The following POLI variants were observed in gnomAD, a reference collection of about 807,000 sequenced individuals.
The protein encoded by POLI is DNA polymerase iota, also known as RAD30 homolog B.
Under a neutral mutation model 51.6 loss-of-function variants are expected in POLI, and 58 were observed. That is an observed-to-expected ratio of 1.12 (90% CI 0.91 to 1.40). The LOEUF is 1.40. Among genes scored for constraint, POLI ranks in the 40% most tolerant of loss-of-function variants. The pLI is 0.00. For synonymous variants in POLI, 322 were observed against 299.7 expected, an observed-to-expected ratio of 1.07 and a Z score of -0.77; for missense variants, 921 against 871.3, an observed-to-expected ratio of 1.06 and a Z score of -0.72.
intron 3 of POLI, among the ~76,000 whole-genome samples, chr18:54,318,005 A>T (rs570426534): frequency 6.6e-6 from 1 of 152,322 alleles, no homozygotes; most frequent in African/African-American, 2.4e-5. Context: ...GTCCAAAAAA[A>T]TTAGTAATAT....
chr18:54,301,108 T>C (rs1207834850), downstream of POLI, among the ~76,000 whole-genome samples: 3 of 151,954 alleles, frequency 2.0e-5, no homozygotes, highest in African/African-American at 7.3e-5. Flanking sequence ...TGAAACCCCG[T>C]CTCTACTAAA....
rs2086911188 is a variant in POLI at position 54,269,645 on chromosome 18, GGCAGCCAGCTCGCAGGGTGCGCC to G, written c.108_115+15del. On this transcript the variant is annotated splice_donor_variant and splice_donor_5th_base_variant and coding_sequence_variant and intron_variant, in exon 1 of 10. Coordinates refer to ENST00000579534, the MANE Select transcript of POLI (RefSeq NM_007195.3). LOFTEE classifies it high-confidence loss of function. ...CCATGGAACTGGCGGACGTGGGGGC[GGCAGCCAGCTCGCAGGGTGCGCC>G]GCAGCCAGAGGAGCCAGCGGCCTCC... 6.6e-6 allele frequency: 10 copies of G among 1,508,390 alleles called. No homozygotes were observed. In the South Asian group the frequency reaches 8.6e-5, roughly 13 times the overall value. The allele number at this position is 1,508,390 out of a possible 1,614,324, so 93.4% of individuals were successfully genotyped here.
At chr18:54,273,280 A>G (rs1038627079) in intron 2 of POLI, among the ~76,000 whole-genome samples, 3 of 151,656 alleles carry the variant, frequency 2.0e-5, no homozygotes, top group African/African-American at 7.3e-5. Context: ...TATATTTTAT[A>G]TACATATTAT....
Position 54,276,414 on chromosome 18 carries a change from C to T in POLI, c.407-1289C>T, listed in dbSNP as rs2087243265. 1.3e-5 allele frequency among the ~76,000 whole-genome samples: 2 copies of T among 152,088 alleles called. 1 individual carries two copies. Among genetic ancestry groups the T allele is most frequent in the Non-Finnish European group, 2.9e-5 (2 of 68,016 alleles). ...GGGACGGGATAATTAGGGATTTGTC[C>T]TGTGACCTAAAATCAGTCAATATTT... On this transcript the variant is annotated intron_variant, in intron 3 of 9. Coordinates refer to ENST00000579534, the MANE Select transcript of POLI (RefSeq NM_007195.3).
chr18:54,280,898 T>C lies in POLI; in HGVS notation c.791T>C (p.Ile264Thr). Residue 264 changes from isoleucine (I) to threonine (T), a missense_variant, in exon 5 of 10, where the codon ATA becomes ACA. By Grantham distance (89) the Ile-to-Thr change is moderately conservative. Coordinates refer to ENST00000579534, the MANE Select transcript of POLI (RefSeq NM_007195.3). ...LIHSLNHIKEIPGIGYKTAKC... is the reference protein window; with the variant it reads ...LIHSLNHIKETPGIGYKTAKC... ...CATAGTTTGAATCACATAAAGGAAA[T>C]ACCTGGTAAGACAAATATATTTGAA... The C allele has an allele frequency of 1.3e-6, 2 of 1,517,710 alleles. No homozygotes were observed. Among genetic ancestry groups the C allele is most frequent in the Non-Finnish European group, 1.8e-6 (2 of 1,092,490 alleles). 94.0% of individuals were successfully genotyped at this position (1,517,710 alleles called of 1,614,324 possible).
chr18:54,269,793 G>A (rs2086918750), intron 1 of POLI, 132 bp downstream of exon 1: 2 of 1,375,630 alleles, frequency 1.5e-6, no homozygotes, highest in African/African-American at 1.5e-5. Flanking sequence ...AGAGAGGGCT[G>A]CCTCCCTCTG....
chr18:54,293,932 A>G lies in POLI; in HGVS notation c.1688A>G (p.His563Arg), dbSNP rs780473580. Residue 563 changes from histidine to arginine, a missense_variant, in exon 10 of 10, where the codon CAT becomes CGT. Transcript: ENST00000579534. Reference sequence around the variant, plus strand: ...AAAGGAAGTGTGAGTTGTCCATTACATGCCTCTAGAGGAGTATTATCTTTC... The same window carrying G: ...AAAGGAAGTGTGAGTTGTCCATTACGTGCCTCTAGAGGAGTATTATCTTTC... Reference protein sequence around the residue: ...QGKGSVSCPLHASRGVLSFFS... With the variant: ...QGKGSVSCPLRASRGVLSFFS... 3 of 1,612,830 alleles carry G rather than the reference A, an allele frequency of 1.9e-6. No homozygotes were observed. The South Asian group carries it at 3.3e-5, about 18-fold the overall frequency.
In POLI at chr18:54,297,568, A is replaced by G. The variant is rs1196240108; in HGVS notation, c.*3101A>G. The stretch of plus-strand genomic sequence containing the variant: ...ATTTTTTGCCATCTTATTTTTTAAT[A>G]TATTTCTTTTTCTATGTTGTGCTTC... On this transcript the variant is annotated 3_prime_UTR_variant, in exon 10 of 10. Coordinates refer to ENST00000579534, the MANE Select transcript of POLI (RefSeq NM_007195.3). The G allele has an allele frequency of 3.2e-5, 31 of 975,252 alleles. No individual in the cohort carries two copies. Among genetic ancestry groups the G allele is most frequent in the Non-Finnish European group, 3.8e-5 (31 of 821,034 alleles). The allele number at this position is 975,252 out of a possible 1,614,324, so 60.4% of individuals were successfully genotyped here. A position where few individuals can be genotyped will look rare whatever the true frequency, so the allele number is the denominator to read the frequency against.
In POLI at chr18:54,282,958, C is replaced by A. The variant is rs548004543; in HGVS notation, c.918C>A (p.Ile306=). ...TAGGAATTTCAGTTGCTCAGCGTATCCAAAAGCTCAGTTTTGGAGAGGATA... is the reference window on the plus strand; with the variant it reads ...TAGGAATTTCAGTTGCTCAGCGTATACAAAAGCTCAGTTTTGGAGAGGATA... ...KELGISVAQR[I]QKLSFGEDNS... The change falls in exon 6 of 10, where the codon ATC becomes ATA. Residue 306 remains isoleucine (I), a synonymous_variant. Coordinates refer to ENST00000579534, the MANE Select transcript of POLI (RefSeq NM_007195.3). 3.7e-6 allele frequency: 6 copies of A among 1,610,886 alleles called. No homozygotes were observed.
In POLI at chr18:54,294,435, G is replaced by A. The variant is rs8305; in HGVS notation, c.2191G>A (p.Ala731Thr). Residue 731 changes from alanine (A) to threonine (T), a missense_variant, in exon 10 of 10, where the codon GCA becomes ACA. Physicochemically the swap from Ala to Thr is moderately conservative, Grantham distance 58. Coordinates refer to ENST00000579534, the MANE Select transcript of POLI (RefSeq NM_007195.3). ...QKELLAEWKR[A>T]GSDFHIGHK Reference sequence around the variant, plus strand: ...GGAACTGCTGGCAGAGTGGAAGAGAGCAGGATCAGATTTCCACATTGGACA... The same window carrying A: ...GGAACTGCTGGCAGAGTGGAAGAGAACAGGATCAGATTTCCACATTGGACA... The A allele has an allele frequency of 0.71, 1,147,630 of 1,607,918 alleles. 412,972 individuals are homozygous for A. Among genetic ancestry groups the A allele is most frequent in the African/African-American group, 0.95 (70,736 of 74,668 alleles).
At chr18:54,300,890 A>T (rs1432917736), downstream of POLI, among the ~76,000 whole-genome samples, 1 of 152,238 alleles carries the variant, frequency 6.6e-6, no homozygotes, top group Non-Finnish European at 1.5e-5. Flanking sequence ...TCAGTTCATC[A>T]GGAGAATGCA....
At chr18:54,298,588 CTTTTT>C (rs145052748), downstream of POLI, among the ~76,000 whole-genome samples, 1 of 114,896 alleles carries the variant, frequency 8.7e-6, no homozygotes, top group African/African-American at 3.6e-5. Context: ...ACTACAGAAT[CTTTTT>C]TTTTTTTTTT....
At position 54,297,400 on chromosome 18, in the gene POLI, A is replaced by G. The variant is rs1300965907; in HGVS notation, c.*2933A>G. On this transcript the variant is annotated 3_prime_UTR_variant, in exon 10 of 10. Transcript: ENST00000579534. Reference sequence around the variant, plus strand: ...TAGAGGGGGTTTCTGTCTTGAGTGTAGGCCTGGAGATTTCCCTTATATGGT... The same window carrying G: ...TAGAGGGGGTTTCTGTCTTGAGTGTGGGCCTGGAGATTTCCCTTATATGGT... The G allele has an allele frequency of 2.0e-6, 2 of 982,784 alleles. No individual in the cohort carries two copies. Among genetic ancestry groups the G allele is most frequent in the East Asian group, 1.1e-4 (1 of 8,784 alleles). The allele number at this position is 982,784 out of a possible 1,614,324, so 60.9% of individuals were successfully genotyped here.
At chr18:54,287,111 A>C (rs567869210) in intron 7 of POLI, among the ~76,000 whole-genome samples, 170 bp from the exon 8 acceptor site, 3 of 152,182 alleles carry the variant, frequency 2.0e-5, no homozygotes, top group Non-Finnish European at 4.4e-5. Context: ...AGACTTTGTG[A>C]TGATTATTTG....
rs144824286 is a variant in POLI, at chr18:54,311,687, G to A, written c.334-8586G>A. ...CCTAGCAGTGAAAAAAACTTGGGAG[G>A]TACACACTCACAGAATCTGTATATT... On this transcript the variant is annotated intron_variant, in intron 3 of 4. Transcript: ENST00000579823. Among the ~76,000 whole-genome samples the A allele has an allele frequency of 2.0e-3, 309 of 152,212 alleles. 2 individuals are homozygous for A. Among genetic ancestry groups the A allele is most frequent in the African/African-American group, 7.3e-3 (304 of 41,544 alleles).
At chr18:54,287,222 A>G in intron 7 of POLI, 59 bp from the exon 8 acceptor site, 1 of 1,241,170 alleles carries the variant, frequency 8.1e-7, no homozygotes, top group Non-Finnish European at 1.1e-6. Flanking sequence ...GAGATGTTAC[A>G]TAATTTAAAA....
intron 9 of POLI, among the ~76,000 whole-genome samples, chr18:54,293,447 C>A (rs1678312658): frequency 6.7e-6 from 1 of 149,730 alleles, no homozygotes; most frequent in Admixed American, 6.6e-5. Flanking sequence ...GAAACCTCTT[C>A]CTGGAATAGT....
rs1687834888 is a variant in POLI, at chr18:54,294,302, T to A, written c.2058T>A (p.His686Gln). 1 of 1,613,408 alleles carries A rather than the reference T, an allele frequency of 6.2e-7. No individual in the cohort carries two copies. Among genetic ancestry groups the A allele is most frequent in the Admixed American group, 1.7e-5 (1 of 59,962 alleles). Reference sequence around the variant, plus strand: ...AGCAAACAGTAGCAACAGACTCTCATGAAGGACTTACAGAAAATAGAGAGC... The same window carrying A: ...AGCAAACAGTAGCAACAGACTCTCAAGAAGGACTTACAGAAAATAGAGAGC... ...SHKQTVATDSHEGLTENREPD... is the reference protein window; with the variant it reads ...SHKQTVATDSQEGLTENREPD... Residue 686 changes from histidine to glutamine, a missense_variant, in exon 10 of 10, where the codon CAT becomes CAA. Coordinates refer to ENST00000579534, the MANE Select transcript of POLI (RefSeq NM_007195.3).
At chr18:54,291,804 T>C (rs2088024682) in intron 8 of POLI, 29 bp from the exon 9 acceptor site, 2 of 1,024,204 alleles carry the variant, frequency 2.0e-6, no homozygotes, top group South Asian at 2.9e-5. Context: ...ATATTAATTA[T>C]AATGTTTATT....
Sources: allele counts gnomAD v4.1 joint callset (sites outside exome capture counted in the v4.1 genomes callset), GRCh38; gene constraint gnomAD v4.1.1; transcripts MANE v1.5; gene names NCBI Gene and HGNC (gene_info 2026-07-23, HGNC 2026-07-21).